Variants in WDR90 observed in about 807,000 individuals in gnomAD.
The protein encoded by WDR90 is WD repeat-containing protein 90.
A neutral mutation model predicts 195.2 loss-of-function variants in WDR90; 238 were observed. The observed-to-expected ratio is 1.22, with a 90% confidence interval of 1.10 to 1.36. WDR90 has a LOEUF of 1.36. WDR90 is among the 40% of genes most tolerant of loss of function. The pLI is 0.00. For synonymous variants in WDR90, 1,265 were observed against 1,052.4 expected (o/e 1.20, Z -3.91); for missense variants, 2,734 against 2,439.5 (o/e 1.12, Z -2.54).
rs768200825 is a variant in WDR90, at chr16:665,751, T to A, written c.4384T>A (p.Trp1462Arg). 6.2e-7 allele frequency: 1 copy of A among 1,607,318 alleles called. No individual in the cohort carries two copies. Among genetic ancestry groups the A allele is most frequent in the Admixed American group, 1.7e-5 (1 of 59,738 alleles). Residue 1462 changes from tryptophan (W) to arginine (R), a missense_variant, in exon 35 of 41, where the codon TGG (tryptophan) becomes AGG (arginine). Physicochemically the swap from Trp to Arg is moderately radical, Grantham distance 101 (BLOSUM62 -3). Transcript: ENST00000293879. ...CAGTGAGGATGGGAGTGTGCGGGTGTGGGCCTTGGCCAGCATGGAGCTTGT... is the reference window on the plus strand; with the variant it reads ...CAGTGAGGATGGGAGTGTGCGGGTGAGGGCCTTGGCCAGCATGGAGCTTGT... Reference protein sequence around the residue: ...TCSEDGSVRVWALASMELVIQ... With the variant: ...TCSEDGSVRVRALASMELVIQ...
intron 10 of WDR90, 36 bp downstream of exon 10, chr16:652,571 G>C: frequency 1.3e-6 from 2 of 1,572,000 alleles, no homozygotes; most frequent in Non-Finnish European, 1.7e-6. Flanking sequence ...AGCAGCTCTC[G>C]TTGGCCGGCT....
chr16:654,910 C>T, intron 13 of WDR90, 119 bp from the exon 14 acceptor site: 1 of 908,166 alleles, frequency 1.1e-6, no homozygotes, highest in East Asian at 2.4e-5. Context: ...GCCGCACGCT[C>T]AGAGGCTGGT....
intron 28 of WDR90, 90 bp from the exon 29 acceptor site, chr16:660,961 G>GCCC: frequency 6.0e-6 from 2 of 332,448 alleles, no homozygotes; most frequent in South Asian, 6.7e-5. Context: ...CTCGGCCCAG[G>GCCC]CCCCGCCCCC....
intron 27 of WDR90, among the ~76,000 whole-genome samples, 198 bp downstream of exon 27, chr16:660,359 G>A (rs1426700198): frequency 6.6e-6 from 1 of 152,140 alleles, no homozygotes; most frequent in Non-Finnish European, 1.5e-5. Flanking sequence ...GGACTCTGTG[G>A]TGGCCTCCTG....
rs12599798 is a variant in WDR90 at position 655,795 on chromosome 16, C to T, written c.1872C>T (p.Ser624=). 238,546 of 1,588,992 alleles carry T rather than the reference C, an allele frequency of 0.15. 20,697 individuals carry two copies. Among genetic ancestry groups the T allele is most frequent in the African/African-American group, 0.37 (27,298 of 74,670 alleles). The part of the protein sequence containing the change: ...FSSGPGIAIS[S]LSVSPAMCAV... The stretch of plus-strand genomic sequence containing the variant: ...CAGGCCCCGGCATTGCCATCAGCAG[C>T]CTCAGCGTCTCCCCGGCCATGTGTG... The change falls in exon 17 of 41, where the codon AGC becomes AGT. Residue 624 remains serine, a synonymous_variant. Coordinates refer to ENST00000293879, the MANE Select transcript of WDR90 (RefSeq NM_145294.5).
In WDR90 at chr16:651,109, T is replaced by C. The variant is rs764529321; in HGVS notation, c.668+6T>C. ...GACCGCTACATCCACGTCCGGTGAG[T>C]GGTTCTGCTTCTTTCGAGGGAGGCC... On this transcript the variant is annotated splice_donor_region_variant and intron_variant, in intron 6 of 40. Coordinates refer to ENST00000293879, the MANE Select transcript of WDR90 (RefSeq NM_145294.5). 6.2e-7 allele frequency: 1 copy of C among 1,603,276 alleles called. No individual in the cohort carries two copies. The highest frequency in any genetic ancestry group is 1.1e-5 in the South Asian group (1 of 90,798).
chr16:653,469 C>T lies in WDR90; in HGVS notation c.1233+18C>T. The T allele has an allele frequency of 6.2e-7, 1 of 1,612,470 alleles. No homozygotes were observed. The highest frequency in any genetic ancestry group is 2.2e-5 in the East Asian group (1 of 44,878). ...CAGACAAGGTGGGTGCTGCCCGGGCCTGGGGCAGCTCACACCTGCAGCCCC... is the reference window on the plus strand; with the variant it reads ...CAGACAAGGTGGGTGCTGCCCGGGCTTGGGGCAGCTCACACCTGCAGCCCC... On this transcript the variant is annotated intron_variant, in intron 11 of 40. Coordinates refer to ENST00000293879, the MANE Select transcript of WDR90 (RefSeq NM_145294.5).
intron 20 of WDR90, 50 bp downstream of exon 20, chr16:657,271 C>T: frequency 1.3e-6 from 2 of 1,489,394 alleles, no homozygotes; most frequent in Non-Finnish European, 1.8e-6. Context: ...CGGGGGAGGC[C>T]TGGATCTGGT....
At position 653,762 on chromosome 16, in the gene WDR90, G is replaced by A; in HGVS notation, c.1396G>A (p.Ala466Thr). 8.1e-6 allele frequency: 13 copies of A among 1,613,266 alleles called. No individual in the cohort carries two copies. The highest frequency in any genetic ancestry group is 1.1e-5 in the South Asian group (1 of 91,092). The change falls in exon 13 of 41, where the codon GCC becomes ACC. Residue 466 changes from alanine to threonine, a missense_variant. By Grantham distance (58) the Ala-to-Thr change is moderately conservative. Coordinates refer to ENST00000293879, the MANE Select transcript of WDR90 (RefSeq NM_145294.5). ...VCSLSFSDSG[A>T]LLCGVGKDHH... ...TGTTCACAGCTTCTCTGACAGCGGG[G>A]CCCTTCTCTGCGGGGTTGGCAAGGA...
intron 15 of WDR90, 38 bp from the exon 16 acceptor site, chr16:655,535 C>G: frequency 1.3e-6 from 2 of 1,553,496 alleles, no homozygotes; most frequent in Non-Finnish European, 1.7e-6. Context: ...CCTCCCCTTC[C>G]CTGAGGGCCT....
Position 667,444 on chromosome 16 carries a change from G to C in WDR90, c.5102G>C (p.Arg1701Thr), listed in dbSNP as rs995584214. 1.1e-5 allele frequency: 18 copies of C among 1,601,592 alleles called. No individual in the cohort carries two copies. Among genetic ancestry groups the C allele is most frequent in the Admixed American group, 1.0e-4 (6 of 59,814 alleles). ...CGTCTACCCACAGAGTGCATGCTGA[G>C]GCTGGTAGACTGTGCCATGGGGACT... ...LAVGFAECML[R>T]LVDCAMGTAQ... The change falls in exon 41 of 41, where the codon AGG becomes ACG. Residue 1701 changes from arginine (R) to threonine (T), a missense_variant. By Grantham distance (71) the Arg-to-Thr change is moderately conservative. Coordinates refer to ENST00000293879, the MANE Select transcript of WDR90 (RefSeq NM_145294.5).
Position 659,269 on chromosome 16 carries a change from A to G in WDR90, c.3077A>G (p.Asp1026Gly), listed in dbSNP as rs2037838151. The G allele has an allele frequency of 6.2e-7, 1 of 1,610,266 alleles. No homozygotes were observed. The highest frequency in any genetic ancestry group is 8.5e-7 in the Non-Finnish European group (1 of 1,179,108). Residue 1026 changes from aspartate to glycine, a missense_variant, in exon 26 of 41, where the codon GAC (aspartate) becomes GGC (glycine). Asp to Gly is a moderately conservative substitution (Grantham distance 94, BLOSUM62 -1). Transcript: ENST00000293879. ...KTGPGAGPLE[D>G]AASRASELPR... ...GGCCCGGGCGCAGGACCGCTGGAGG[A>G]CGCAGCGTCCAGGGCCAGCGAGCTC...
chr16:659,930 C>G, intron 26 of WDR90, 128 bp from the exon 27 acceptor site: 1 of 731,482 alleles, frequency 1.4e-6, no homozygotes, highest in South Asian at 1.9e-5. Context: ...GTGGCTCCGG[C>G]CTGTGCCCCG....
Position 658,964 on chromosome 16 carries a change from C to T in WDR90, c.2964C>T (p.Ser988=), listed in dbSNP as rs372520627. 67 of 1,612,698 alleles carry T rather than the reference C, an allele frequency of 4.2e-5. No individual in the cohort carries two copies. Among genetic ancestry groups the T allele is most frequent in the African/African-American group, 1.5e-4 (11 of 74,870 alleles). Residue 988 remains serine (S), a synonymous_variant, in exon 24 of 41, where the codon AGC becomes AGT. Transcript: ENST00000293879. Reference sequence around the variant, plus strand: ...CTCCTGACCAGCAGCAGGTCCTCAGCGCAGGGGACGCCGTCTTCCTCTGGG... The same window carrying T: ...CTCCTGACCAGCAGCAGGTCCTCAGTGCAGGGGACGCCGTCTTCCTCTGGG... ...AFSPDQQQVL[S]AGDAVFLWDV...
chr16:657,765 A>T lies in WDR90; in HGVS notation c.2477A>T (p.Asp826Val). 2 of 1,547,120 alleles carry T rather than the reference A, an allele frequency of 1.3e-6. No individual in the cohort carries two copies. Among genetic ancestry groups the T allele is most frequent in the Non-Finnish European group, 1.7e-6 (2 of 1,145,778 alleles). ...CCCCTGCCCCGTGTGGCCACAGCGG[A>T]CATGGTATGCCCGGATGCCCCCGCG... ...PQWHVLRVAA[D>V]MVCPDAPASP... The change falls in exon 21 of 41, where the codon GAC becomes GTC. Residue 826 changes from aspartate (D) to valine (V), a missense_variant. Coordinates refer to ENST00000293879, the MANE Select transcript of WDR90 (RefSeq NM_145294.5).
chr16:653,930 G>A (rs147083787), intron 13 of WDR90, 127 bp downstream of exon 13: 1 of 1,223,506 alleles, frequency 8.2e-7, no homozygotes, highest in East Asian at 2.6e-5. Flanking sequence ...TCCTCCCTGT[G>A]GTGGGGCTCC....
At chr16:663,197 G>A in intron 34 of WDR90, 1 of 382,102 alleles carries the variant, frequency 2.6e-6, no homozygotes, top group Non-Finnish European at 5.2e-6. Flanking sequence ...CAGCACTCTG[G>A]GAGGCCAAGG....
At chr16:655,185 C>G (rs944905633) in intron 14 of WDR90, 38 bp downstream of exon 14, 2 of 1,612,298 alleles carry the variant, frequency 1.2e-6, no homozygotes, top group East Asian at 2.2e-5. Context: ...GGGAGAGGGT[C>G]TGGGCCCGGA....
In WDR90 at chr16:652,187, C is replaced by A. The variant is rs1157253091; in HGVS notation, c.1053+148C>A. 37 of 1,011,832 alleles carry A rather than the reference C, an allele frequency of 3.7e-5. No homozygotes were observed. The East Asian group carries it at 9.5e-4, about 26-fold the overall frequency. 62.7% of individuals were successfully genotyped at this position (1,011,832 alleles called of 1,614,324 possible). ...GGCAAGGAGCAGAGCTGGCGGGAGGCGGCTTTGGGGAAGAATCTCTGTCCA... is the reference window on the plus strand; with the variant it reads ...GGCAAGGAGCAGAGCTGGCGGGAGGAGGCTTTGGGGAAGAATCTCTGTCCA... On this transcript the variant is annotated intron_variant, in intron 9 of 40. Coordinates refer to ENST00000293879, the MANE Select transcript of WDR90 (RefSeq NM_145294.5).
Sources: gnomAD v4.1 joint callset for allele counts (sites outside exome capture counted in the v4.1 genomes callset) on GRCh38, gnomAD v4.1.1 for gene constraint, MANE v1.5 for transcripts, NCBI Gene and HGNC (gene_info 2026-07-23, HGNC 2026-07-21) for gene names.